The following SEMA6D variants were observed in gnomAD, a reference collection of about 807,000 sequenced individuals.
SEMA6D encodes the protein semaphorin 6D.
In SEMA6D, 35 loss-of-function variants were observed where a neutral mutation model predicts 106.6. That is an observed-to-expected ratio of 0.33 (90% CI 0.25 to 0.44). The LOEUF (loss-of-function observed/expected upper bound fraction) is 0.44. Ranked by LOEUF, SEMA6D falls within the 20% of genes least tolerant of loss-of-function variation. SEMA6D has a pLI of 1.00. For synonymous variants in SEMA6D, 499 were observed against 487.7 expected (o/e 1.02, Z -0.31); for missense variants, 1,185 against 1,345.9 (o/e 0.88, Z 1.87).
chr15:47,434,356 T>G (rs2041634888), intron 2 of SEMA6D, among the ~76,000 whole-genome samples: 1 of 152,062 alleles, frequency 6.6e-6, no homozygotes, highest in African/African-American at 2.4e-5. Flanking sequence ...ATTGGAATAT[T>G]CAGTAGGTTG....
At position 47,209,712 on chromosome 15, in the gene SEMA6D, G is replaced by C. The variant is rs566052802; in HGVS notation, c.-239+25294G>C. ...TTCCCTGGTCCCCGTCGCCTCTCCA[G>C]GTCTGCTGTGTTGATCCTCAGCAAT... is the stretch of plus-strand genomic sequence containing the variant. On this transcript the variant is annotated intron_variant, in intron 1 of 19. Transcript: ENST00000558014. Among the ~76,000 whole-genome samples the C allele has an allele frequency of 2.6e-5, 4 of 152,262 alleles. No homozygotes were observed. The East Asian group carries it at 7.7e-4, about 29-fold the overall frequency.
chr15:47,410,646 A>T (rs2040760437), intron 1 of SEMA6D, among the ~76,000 whole-genome samples: 1 of 152,170 alleles, frequency 6.6e-6, no homozygotes, highest in African/African-American at 2.4e-5. Flanking sequence ...TAGGTGCATT[A>T]AAATGACCTG....
chr15:47,365,948 AAGAT>A (rs1156728084), intron 1 of SEMA6D, among the ~76,000 whole-genome samples: 10 of 145,658 alleles, frequency 6.9e-5, no homozygotes, highest in African/African-American at 1.0e-4. Flanking sequence ...GAAAGAAAGA[AAGAT>A]AGAAAAGAAA....
intron 1 of SEMA6D, among the ~76,000 whole-genome samples, chr15:47,384,134 G>T (rs1191690685): frequency 6.6e-6 from 1 of 152,164 alleles, no homozygotes; most frequent in South Asian, 2.1e-4. Context: ...AATCAGAATA[G>T]GCAACTGCCA....
At chr15:47,259,242 G>C (rs1005913628) in intron 1 of SEMA6D, among the ~76,000 whole-genome samples, 5 of 152,106 alleles carry the variant, frequency 3.3e-5, no homozygotes, top group African/African-American at 1.2e-4. Context: ...CCATACTTCT[G>C]CTCTTCCCAT....
At chr15:47,429,905 T>C (rs1017887156) in intron 2 of SEMA6D, among the ~76,000 whole-genome samples, 1 of 152,106 alleles carries the variant, frequency 6.6e-6, no homozygotes, top group Admixed American at 6.6e-5. Flanking sequence ...CTGTGAAAAG[T>C]TTCTCTTACC....
At chr15:47,745,060 A>C (rs756815598) in intron 1 of SEMA6D, among the ~76,000 whole-genome samples, 13 of 152,166 alleles carry the variant, frequency 8.5e-5, no homozygotes, top group Non-Finnish European at 1.5e-4. Context: ...GGTGTGTTTA[A>C]TGTTTGGGAT....
intron 1 of SEMA6D, among the ~76,000 whole-genome samples, chr15:47,242,823 A>G (rs1249787618): frequency 6.6e-6 from 1 of 152,158 alleles, no homozygotes; most frequent in Non-Finnish European, 1.5e-5. Context: ...AAGAGAATAC[A>G]TTACATTTTA....
At chr15:47,559,978 A>G (rs2046029713) in intron 3 of SEMA6D, among the ~76,000 whole-genome samples, 1 of 152,164 alleles carries the variant, frequency 6.6e-6, no homozygotes, top group Non-Finnish European at 1.5e-5. Context: ...TAAAAATAAA[A>G]CAAAATAAAT....
intron 4 of SEMA6D, among the ~76,000 whole-genome samples, chr15:47,619,173 C>A (rs2077057016): frequency 6.6e-6 from 1 of 151,560 alleles, no homozygotes; most frequent in Admixed American, 6.6e-5. Flanking sequence ...TGCTAGTCAT[C>A]ATTTAGGCTA....
chr15:47,521,571 G>T (rs1462036155), intron 3 of SEMA6D, among the ~76,000 whole-genome samples: 2 of 152,140 alleles, frequency 1.3e-5, no homozygotes, highest in African/African-American at 4.8e-5. Flanking sequence ...CGTTTTAGAA[G>T]GAATTTCCTT....
intron 1 of SEMA6D, among the ~76,000 whole-genome samples, chr15:47,210,386 T>C (rs1422968553): frequency 1.3e-5 from 2 of 152,172 alleles, no homozygotes; most frequent in African/African-American, 4.8e-5. Context: ...GTGATATTTT[T>C]TAGGATAGGT....
At chr15:47,253,243 A>G (rs146172328) in intron 1 of SEMA6D, among the ~76,000 whole-genome samples, 1 of 152,224 alleles carries the variant, frequency 6.6e-6, no homozygotes, top group Admixed American at 6.5e-5. Flanking sequence ...AGGTCGTTAT[A>G]CATGCTGCAT....
intron 4 of SEMA6D, among the ~76,000 whole-genome samples, chr15:47,703,072 T>TA (rs2078845511): frequency 6.6e-6 from 1 of 152,218 alleles, no homozygotes; most frequent in Non-Finnish European, 1.5e-5. Context: ...TGAAAATGTA[T>TA]TTATTTATTA....
intron 3 of SEMA6D, among the ~76,000 whole-genome samples, chr15:47,576,092 T>C (rs1385880315): frequency 6.6e-6 from 1 of 152,232 alleles, no homozygotes; most frequent in East Asian, 1.9e-4. Flanking sequence ...GCATTACTAA[T>C]TGACCATGAT....
intron 4 of SEMA6D, among the ~76,000 whole-genome samples, chr15:47,693,382 C>T (rs2078630158): frequency 6.6e-6 from 1 of 152,134 alleles, no homozygotes; most frequent in Non-Finnish European, 1.5e-5. Context: ...TTAAACCACC[C>T]AGTCGGTGGC....
chr15:47,196,131 G>GT (rs1894337492), intron 1 of SEMA6D, among the ~76,000 whole-genome samples: 1 of 152,014 alleles, frequency 6.6e-6, no homozygotes, highest in African/African-American at 2.4e-5. Flanking sequence ...CTGGAGGGAA[G>GT]TAACTGGCAT....
chr15:47,451,253 C>G (rs1053809022), intron 2 of SEMA6D, among the ~76,000 whole-genome samples: 2 of 151,890 alleles, frequency 1.3e-5, no homozygotes, highest in Admixed American at 6.6e-5. Context: ...GTTTCAGGAG[C>G]CCTGTGAACC....
intron 1 of SEMA6D, among the ~76,000 whole-genome samples, chr15:47,259,912 G>T (rs892257355): frequency 2.2e-4 from 33 of 150,428 alleles, no homozygotes; most frequent in African/African-American, 8.1e-4. Flanking sequence ...GTTCAGATGG[G>T]GTAAACTGAG....
Sources: allele counts gnomAD v4.1 joint callset (sites outside exome capture counted in the v4.1 genomes callset), GRCh38; gene constraint gnomAD v4.1.1; transcripts MANE v1.5; gene names NCBI Gene and HGNC (gene_info 2026-07-23, HGNC 2026-07-21).